FMN2: variants seen among roughly 807,000 people sequenced by gnomAD.
FMN2 encodes formin-2.
FMN2 carries 51 observed loss-of-function variants against 142.3 expected under a neutral mutation model. That is an observed-to-expected ratio of 0.36 (90% CI 0.29 to 0.45). FMN2 has a LOEUF of 0.45. FMN2 is among the 20% of genes least tolerant of loss of function. The pLI, the probability that FMN2 is intolerant of heterozygous loss-of-function variation, is 1.00. For synonymous variants in FMN2, 882 were observed against 869.8 expected (o/e 1.01, Z -0.25); for missense variants, 1,936 against 2,122.8 (o/e 0.91, Z 1.73).
At chr1:240,105,254 G>T (rs967230435) in intron 1 of FMN2, among the ~76,000 whole-genome samples, 6 of 151,406 alleles carry the variant, frequency 4.0e-5, no homozygotes, top group African/African-American at 7.3e-5. Context: ...GATTACAGGC[G>T]CCCACCACCA....
At chr1:240,184,200 A>G (rs966097713) in intron 3 of FMN2, among the ~76,000 whole-genome samples, 2 of 148,796 alleles carry the variant, frequency 1.3e-5, no homozygotes, top group African/African-American at 5.0e-5. Context: ...TTATGCTCGG[A>G]ATTTTGAGGT....
At position 240,330,653 on chromosome 1, in the gene FMN2, C is replaced by T; in HGVS notation, c.4488C>T (p.Ala1496=). The change falls in exon 11 of 18, where the codon GCC becomes GCT. Residue 1496 remains alanine, a synonymous_variant. Coordinates refer to ENST00000319653, the MANE Select transcript of FMN2 (RefSeq NM_020066.5). ...GVMQVLGLVL[A]FGNYMNGGNK... The stretch of plus-strand genomic sequence containing the variant: ...TGCAGGTTCTAGGTTTGGTTCTTGC[C>T]TTTGGCAACTACATGAATGGAGGAA... The T allele has an allele frequency of 1.2e-6, 2 of 1,613,956 alleles. No individual in the cohort carries two copies. The highest frequency in any genetic ancestry group is 8.5e-7 in the Non-Finnish European group (1 of 1,179,916).
chr1:240,264,249 C>T (rs1572132214), intron 7 of FMN2, among the ~76,000 whole-genome samples: 1 of 152,136 alleles, frequency 6.6e-6, no homozygotes, highest in African/African-American at 2.4e-5. Flanking sequence ...TGTCCTCCCT[C>T]AAAAGGGTCC....
intron 16 of FMN2, among the ~76,000 whole-genome samples, chr1:240,441,808 G>A (rs989691591): frequency 2.0e-5 from 3 of 151,720 alleles, no homozygotes; most frequent in Non-Finnish European, 4.4e-5. Flanking sequence ...CTGACTTGTT[G>A]CATCATTACC....
chr1:240,232,857 C>G (rs980901812), intron 6 of FMN2, among the ~76,000 whole-genome samples: 3 of 152,156 alleles, frequency 2.0e-5, no homozygotes, highest in Non-Finnish European at 4.4e-5. Context: ...CCACCCAGGA[C>G]TTTGTTGAAT....
At chr1:240,198,960 C>T (rs956414833) in intron 4 of FMN2, among the ~76,000 whole-genome samples, 1 of 152,042 alleles carries the variant, frequency 6.6e-6, no homozygotes, top group Admixed American at 6.6e-5. Context: ...CAAAAATTAG[C>T]CCGGCATGGT....
chr1:240,222,784 C>A (rs891748749), intron 6 of FMN2, among the ~76,000 whole-genome samples: 2 of 151,990 alleles, frequency 1.3e-5, no homozygotes, highest in Non-Finnish European at 1.5e-5. Flanking sequence ...CATGATTTGG[C>A]TCTCTGTTTG....
chr1:240,317,712 T>C (rs1332116616), intron 8 of FMN2, among the ~76,000 whole-genome samples: 1 of 152,222 alleles, frequency 6.6e-6, no homozygotes, highest in East Asian at 1.9e-4. Flanking sequence ...AACATGTATG[T>C]ACATAATTTT....
At chr1:240,292,942 A>C (rs967715705) in intron 7 of FMN2, among the ~76,000 whole-genome samples, 4 of 151,990 alleles carry the variant, frequency 2.6e-5, no homozygotes, top group Non-Finnish European at 5.9e-5. Context: ...CAGGTCAACT[A>C]GGGGGAAGTT....
chr1:240,113,778 C>T lies in FMN2; in HGVS notation c.1616-9401C>T, dbSNP rs557164021. On this transcript the variant is annotated intron_variant, in intron 1 of 17. Coordinates refer to ENST00000319653, the MANE Select transcript of FMN2 (RefSeq NM_020066.5). ...ACATTCCTTGAACAGAAAAGGAGTT[C>T]AGTATAGTCCAGCTGGAGTGTGTGT... 1.1e-4 allele frequency among the ~76,000 whole-genome samples: 17 copies of T among 152,212 alleles called. No homozygotes were observed. The South Asian group carries it at 3.5e-3, about 32-fold the overall frequency.
intron 16 of FMN2, chr1:240,457,734 A>T (rs1676302064): frequency 6.6e-6 from 1 of 152,268 alleles, no homozygotes; most frequent in Non-Finnish European, 1.5e-5. Context: ...TGCAAAGCTC[A>T]AGGAAGGAGC....
At chr1:240,336,164 G>A (rs938131996) in intron 13 of FMN2, among the ~76,000 whole-genome samples, 6 of 151,768 alleles carry the variant, frequency 4.0e-5, no homozygotes, top group Admixed American at 6.6e-5. Flanking sequence ...AAATAAATAA[G>A]TAAAAATAAA....
At chr1:240,434,529 T>TTTTTTGTTTTGTTTTTTG (rs1558103925) in intron 15 of FMN2, among the ~76,000 whole-genome samples, 2 of 150,700 alleles carry the variant, frequency 1.3e-5, no homozygotes, top group African/African-American at 4.9e-5. Context: ...TTTGCTTGTT[T>TTTTTTGTTTTGTTTTTTG]TTTTTTGTTT....
intron 15 of FMN2, among the ~76,000 whole-genome samples, chr1:240,418,715 A>G (rs970404233): frequency 6.6e-6 from 1 of 150,838 alleles, no homozygotes; most frequent in Non-Finnish European, 1.5e-5. Context: ...CCAGTGTTGG[A>G]TGTAGTGTTC....
At chr1:240,372,367 A>G (rs1016816899) in intron 14 of FMN2, among the ~76,000 whole-genome samples, 2 of 152,194 alleles carry the variant, frequency 1.3e-5, no homozygotes, top group Non-Finnish European at 2.9e-5. Context: ...GTCTTACCTG[A>G]ATTCTTGGGT....
intron 16 of FMN2, among the ~76,000 whole-genome samples, chr1:240,460,449 G>T (rs1268940327): frequency 2.0e-5 from 3 of 152,030 alleles, no homozygotes; most frequent in Non-Finnish European, 2.9e-5. Flanking sequence ...AAACTTAGCT[G>T]GGCGTGGTGG....
intron 1 of FMN2, among the ~76,000 whole-genome samples, chr1:240,116,780 A>C (rs1662041137): frequency 2.6e-5 from 4 of 152,022 alleles, no homozygotes; most frequent in Admixed American, 2.0e-4. Flanking sequence ...GGAAACAAAA[A>C]GTTATTGATA....
At chr1:240,425,091 G>T (rs1674890019) in intron 15 of FMN2, among the ~76,000 whole-genome samples, 1 of 152,076 alleles carries the variant, frequency 6.6e-6, no homozygotes. Context: ...GGTCAGTGCT[G>T]TAGAGAAAAG....
chr1:240,114,332 G>A (rs1661934460), intron 1 of FMN2, among the ~76,000 whole-genome samples: 1 of 152,186 alleles, frequency 6.6e-6, no homozygotes, highest in African/African-American at 2.4e-5. Context: ...TAGAATGGAT[G>A]CTAGGTGCAA....
Sources: gnomAD v4.1 joint callset for allele counts (sites outside exome capture counted in the v4.1 genomes callset) on GRCh38, gnomAD v4.1.1 for gene constraint, MANE v1.5 for transcripts, NCBI Gene and HGNC (gene_info 2026-07-23, HGNC 2026-07-21) for gene names.